The following STXBP6 variants were observed in gnomAD, a reference collection of about 807,000 sequenced individuals.
The protein encoded by STXBP6 is syntaxin-binding protein 6.
STXBP6 carries 21 observed loss-of-function variants against 26.9 expected under a neutral mutation model. That is an observed-to-expected ratio of 0.78 (90% CI 0.55 to 1.12). The LOEUF is 1.12. STXBP6 is among the 50% of genes most tolerant of loss of function. STXBP6 has a pLI of 0.00. For synonymous variants in STXBP6, 97 were observed against 92.6 expected (o/e 1.05, Z -0.27); for missense variants, 232 against 257.9 (o/e 0.90, Z 0.69).
Position 24,810,377 on chromosome 14 carries a change from G to A in STXBP6, c.*2332C>T, listed in dbSNP as rs1266274885. 1 of 152,298 alleles carries A rather than the reference G, an allele frequency of 6.6e-6. No individual in the cohort carries two copies. Among genetic ancestry groups the A allele is most frequent in the Non-Finnish European group, 1.5e-5 (1 of 68,104 alleles). The allele number at this position is 152,298 out of a possible 1,614,324, so 9.4% of individuals were successfully genotyped here. A position where few individuals can be genotyped will look rare whatever the true frequency, so the allele number is the denominator to read the frequency against. ...GTGTTATCACTGGGCTCCTCTGCAAGAGGCTGGGAGGTAAAGGAGGGGCAG... is the reference window on the plus strand; with the variant it reads ...GTGTTATCACTGGGCTCCTCTGCAAAAGGCTGGGAGGTAAAGGAGGGGCAG... On this transcript the variant is annotated 3_prime_UTR_variant, in exon 6 of 6. Coordinates refer to ENST00000323944, the MANE Select transcript of STXBP6 (RefSeq NM_001394410.1).
chr14:25,000,428 A>G (rs1461258620), intron 1 of STXBP6, among the ~76,000 whole-genome samples: 4 of 151,308 alleles, frequency 2.6e-5, no homozygotes, highest in Non-Finnish European at 4.4e-5. Context: ...TGATTTGCCA[A>G]TGGCTGGGAC....
chr14:24,959,186 G>A (rs974916046), intron 2 of STXBP6, among the ~76,000 whole-genome samples: 2 of 152,140 alleles, frequency 1.3e-5, no homozygotes, highest in African/African-American at 4.8e-5. Flanking sequence ...AGTCTTCAAA[G>A]GTTTTTGTAA....
chr14:25,015,123 T>C (rs564306312), intron 1 of STXBP6, among the ~76,000 whole-genome samples: 49 of 152,274 alleles, frequency 3.2e-4, no homozygotes, highest in African/African-American at 1.1e-3. Context: ...GATTTTAAAA[T>C]TGAATTCTAA....
chr14:24,870,619 C>T (rs2069894515), intron 2 of STXBP6, among the ~76,000 whole-genome samples: 1 of 152,156 alleles, frequency 6.6e-6, no homozygotes, highest in Non-Finnish European at 1.5e-5. Flanking sequence ...ACTTAAAAAG[C>T]GTGACAAGAA....
chr14:25,003,108 T>A (rs545543862), intron 1 of STXBP6, among the ~76,000 whole-genome samples: 2 of 152,304 alleles, frequency 1.3e-5, no homozygotes, highest in East Asian at 3.9e-4. Flanking sequence ...GGCAAAAGAA[T>A]CTTAAACTGA....
Position 24,892,749 on chromosome 14 carries a change from A to G in STXBP6, c.155-35592T>C, listed in dbSNP as rs1040192810. Among the ~76,000 whole-genome samples, 7 of 152,194 alleles carry G rather than the reference A, an allele frequency of 4.6e-5. 2 individuals carry two copies. The highest frequency in any genetic ancestry group is 3.9e-4 in the Admixed American group (6 of 15,288). On this transcript the variant is annotated intron_variant, in intron 2 of 5. Transcript: ENST00000323944. ...CCCACACTGGCTCCATCTGGCCTGC[A>G]GACCATGAGAGCTGCAATGGGCCAT...
chr14:24,815,097 G>C (rs1223516684), intron 5 of STXBP6, among the ~76,000 whole-genome samples: 1 of 152,132 alleles, frequency 6.6e-6, no homozygotes, highest in Non-Finnish European at 1.5e-5. Flanking sequence ...GGGAGGTAGA[G>C]CAGAAAGAGC....
intron 1 of STXBP6, among the ~76,000 whole-genome samples, chr14:25,027,829 G>T (rs768896416): frequency 1.3e-5 from 2 of 152,208 alleles, no homozygotes; most frequent in Non-Finnish European, 2.9e-5. Context: ...GCATGAATAA[G>T]AAAGAAAAAC....
chr14:25,028,547 C>A (rs2075391493), intron 1 of STXBP6, among the ~76,000 whole-genome samples: 2 of 151,634 alleles, frequency 1.3e-5, no homozygotes, highest in Non-Finnish European at 2.9e-5. Flanking sequence ...TGCTCATTGA[C>A]AATGTACCTG....
chr14:24,912,609 A>G (rs191192775), intron 2 of STXBP6, among the ~76,000 whole-genome samples: 8 of 152,312 alleles, frequency 5.3e-5, no homozygotes, highest in African/African-American at 1.7e-4. Context: ...TTAAATAACA[A>G]TTTATTAAAA....
At chr14:24,995,995 T>C (rs772108926) in intron 1 of STXBP6, among the ~76,000 whole-genome samples, 16 of 152,192 alleles carry the variant, frequency 1.1e-4, no homozygotes, top group Non-Finnish European at 2.2e-4. Context: ...TAAAAATCTT[T>C]ATGTTGATCT....
At chr14:24,967,044 A>C (rs543544555) in intron 2 of STXBP6, among the ~76,000 whole-genome samples, 1 of 152,332 alleles carries the variant, frequency 6.6e-6, no homozygotes, top group Non-Finnish European at 1.5e-5. Flanking sequence ...CAAGAGAAGG[A>C]GAGCACAGCA....
intron 5 of STXBP6, among the ~76,000 whole-genome samples, chr14:24,818,525 C>G (rs1481815396): frequency 6.6e-6 from 1 of 152,170 alleles, no homozygotes; most frequent in African/African-American, 2.4e-5. Context: ...GACCCCTCTC[C>G]GAGGGAAAAC....
intron 2 of STXBP6, among the ~76,000 whole-genome samples, chr14:24,916,940 C>T (rs965754584): frequency 1.3e-5 from 2 of 152,102 alleles, no homozygotes; most frequent in African/African-American, 4.8e-5. Flanking sequence ...AACTCTTGGA[C>T]ACAAACATGA....
intron 2 of STXBP6, among the ~76,000 whole-genome samples, chr14:24,911,273 G>C (rs1470075501): frequency 6.6e-6 from 1 of 151,950 alleles, no homozygotes; most frequent in Non-Finnish European, 1.5e-5. Context: ...GGAGGTCAAG[G>C]CTGCAGCAAG....
Position 24,987,608 on chromosome 14 carries a change from C to A in STXBP6, c.-32-12758G>T, listed in dbSNP as rs75091422. ...CATCCTATTTCATCTTCCACACTTG[C>A]GAGAGAGGTATGATTGTCTCTACTG... On this transcript the variant is annotated intron_variant, in intron 1 of 5. Coordinates refer to ENST00000323944, the MANE Select transcript of STXBP6 (RefSeq NM_001394410.1). Among the ~76,000 whole-genome samples, 623 of 152,306 alleles carry A rather than the reference C, an allele frequency of 4.1e-3. 14 individuals are homozygous for A. The East Asian group carries it at 0.042, about 10-fold the overall frequency.
chr14:25,016,353 T>A (rs1269048890), intron 1 of STXBP6, among the ~76,000 whole-genome samples: 1 of 152,132 alleles, frequency 6.6e-6, no homozygotes, highest in Non-Finnish European at 1.5e-5. Flanking sequence ...GGAGTTAGCT[T>A]CCTCTTTACT....
At chr14:24,901,330 T>A (rs1176904136) in intron 2 of STXBP6, among the ~76,000 whole-genome samples, 4 of 150,578 alleles carry the variant, frequency 2.7e-5, no homozygotes, top group African/African-American at 9.7e-5. Context: ...TTCTACAACA[T>A]ACCCACTAGC....
At chr14:25,019,630 G>A (rs2075224298) in intron 1 of STXBP6, among the ~76,000 whole-genome samples, 1 of 152,132 alleles carries the variant, frequency 6.6e-6, no homozygotes, top group Admixed American at 6.5e-5. Context: ...AGGGACTTCT[G>A]CCATCTTTGC....
Sources: gnomAD v4.1 joint callset for allele counts (sites outside exome capture counted in the v4.1 genomes callset) on GRCh38, gnomAD v4.1.1 for gene constraint, MANE v1.5 for transcripts, NCBI Gene and HGNC (gene_info 2026-07-23, HGNC 2026-07-21) for gene names.